The following MRAS variants were observed in gnomAD, a reference collection of about 807,000 sequenced individuals.
MRAS encodes muscle RAS oncogene homolog.
Under a neutral mutation model 20.9 loss-of-function variants are expected in MRAS, and 4 were observed. That is an observed-to-expected ratio of 0.19 (90% confidence interval 0.09 to 0.44). The LOEUF is 0.44. Among genes scored for constraint, MRAS ranks in the 20% least tolerant of loss-of-function variants. The pLI is 0.99. For synonymous variants in MRAS, 98 were observed against 102.9 expected, an observed-to-expected ratio of 0.95 and a Z score of 0.29; for missense variants, 154 against 277.5, an observed-to-expected ratio of 0.56 and a Z score of 3.16.
rs925688624 is a variant in MRAS at position 138,398,661 on chromosome 3, A to G, written c.447+93A>G. The G allele has an allele frequency of 6.3e-6, 7 of 1,109,266 alleles. No individual in the cohort carries two copies. In the East Asian group the frequency reaches 1.2e-4, roughly 19 times the overall value. 68.7% of individuals were successfully genotyped at this position (1,109,266 alleles called of 1,614,324 possible). ...AGTCCTGGTCTTTGGAAATGAAACT[A>G]CTGTTTATTGAAGGGCTCCCCTTAG... On this transcript the variant is annotated intron_variant, in intron 4 of 5. Transcript: ENST00000423968.
At chr3:138,357,408 C>A (rs1353208429) in intron 1 of MRAS, among the ~76,000 whole-genome samples, 2 of 152,228 alleles carry the variant, frequency 1.3e-5, no homozygotes, top group Non-Finnish European at 2.9e-5. Context: ...CCTCTATAGC[C>A]TCCTCTTCCA....
At chr3:138,395,358 CA>C (rs906345653) in intron 2 of MRAS, among the ~76,000 whole-genome samples, 1 of 152,116 alleles carries the variant, frequency 6.6e-6, no homozygotes, top group African/African-American at 2.4e-5. Context: ...TTCTTTTGCC[CA>C]AACTCTCCAG....
chr3:138,351,209 C>T (rs1424230670), intron 1 of MRAS, among the ~76,000 whole-genome samples: 1 of 152,040 alleles, frequency 6.6e-6, no homozygotes, highest in African/African-American at 2.4e-5. Flanking sequence ...TGCCCCCAAA[C>T]AGAGTGTGTC....
Position 138,404,836 on chromosome 3 carries a change from C to T in MRAS, c.*2567C>T, listed in dbSNP as rs1576397463. 6.6e-6 allele frequency: 1 copy of T among 152,174 alleles called. No individual in the cohort carries two copies. The highest frequency in any genetic ancestry group is 2.1e-4 in the South Asian group (1 of 4,828). 9.4% of individuals were successfully genotyped at this position (152,174 alleles called of 1,614,324 possible). ...GGGAAACCTGGTTGGCCACGCCACA[C>T]CATGACCGAGGAGCCAACTGGGACT... On this transcript the variant is annotated 3_prime_UTR_variant, in exon 6 of 6. Transcript: ENST00000423968.
intron 2 of MRAS, among the ~76,000 whole-genome samples, chr3:138,373,806 G>C (rs551722373): frequency 1.3e-5 from 2 of 152,266 alleles, no homozygotes; most frequent in South Asian, 4.1e-4. Context: ...TGAAACTGTA[G>C]ATCTGTTTGA....
chr3:138,385,682 A>T (rs1207747269), intron 2 of MRAS, among the ~76,000 whole-genome samples: 2 of 151,700 alleles, frequency 1.3e-5, no homozygotes, highest in African/African-American at 4.8e-5. Context: ...CACACAGCTA[A>T]TTTTTGTATT....
chr3:138,347,753 G>C (rs1232336520), upstream of MRAS: 1 of 151,982 alleles, frequency 6.6e-6, no homozygotes, highest in African/African-American at 2.4e-5. Context: ...CCGCCATGCC[G>C]GGTTGACTTT....
intron 1 of MRAS, among the ~76,000 whole-genome samples, chr3:138,360,584 G>A (rs772961277): frequency 3.4e-4 from 52 of 152,176 alleles, no homozygotes; most frequent in Non-Finnish European, 1.9e-4. Flanking sequence ...CTGGGCTGGT[G>A]CCCACGGGTG....
At chr3:138,397,132 G>A (rs567720996) in intron 2 of MRAS, among the ~76,000 whole-genome samples, 192 bp from the exon 3 acceptor site, 17 of 152,268 alleles carry the variant, frequency 1.1e-4, no homozygotes, top group African/African-American at 3.1e-4. Context: ...ACCCTGAAGC[G>A]GCTTTAAGGT....
In MRAS at chr3:138,398,505, C is replaced by T. The variant is rs770948545; in HGVS notation, c.384C>T (p.Val128=). 7 of 1,613,916 alleles carry T rather than the reference C, an allele frequency of 4.3e-6. No homozygotes were observed. In the East Asian group the frequency reaches 6.7e-5, roughly 15 times the overall value. ...CGATGATCCTCGTGGCCAACAAGGT[C>T]GATTTGATGCACTTGAGGAAGATCA... is the stretch of plus-strand genomic sequence containing the variant. ...SFPMILVANK[V]DLMHLRKITR... The change falls in exon 4 of 6, where the codon GTC becomes GTT. Residue 128 remains valine (V), a synonymous_variant. Coordinates refer to ENST00000423968, the MANE Select transcript of MRAS (RefSeq NM_001085049.3).
intron 2 of MRAS, among the ~76,000 whole-genome samples, chr3:138,377,634 CCCAGGGGT>C (rs1261261970): frequency 1.3e-5 from 2 of 152,196 alleles, no homozygotes; most frequent in Admixed American, 1.3e-4. Flanking sequence ...GCATCTGGAT[CCCAGGGGT>C]CCTGCTCCCC....
intron 1 of MRAS, among the ~76,000 whole-genome samples, chr3:138,369,120 G>T (rs1177366572): frequency 2.0e-5 from 3 of 152,206 alleles, no homozygotes; most frequent in South Asian, 2.1e-4. Flanking sequence ...CCATGAGGAA[G>T]CCAGCTCTGT....
chr3:138,356,535 T>C (rs1158584141), intron 1 of MRAS, among the ~76,000 whole-genome samples: 1 of 152,174 alleles, frequency 6.6e-6, no homozygotes, highest in Non-Finnish European at 1.5e-5. Context: ...AAATGGAGGC[T>C]CAAGGAGGAG....
At chr3:138,354,950 T>A (rs980918648) in intron 1 of MRAS, among the ~76,000 whole-genome samples, 4 of 152,096 alleles carry the variant, frequency 2.6e-5, no homozygotes, top group East Asian at 1.9e-4. Context: ...CCATCTAATT[T>A]AAAAAAATTT....
chr3:138,366,366 A>G (rs1576351769), intron 1 of MRAS, among the ~76,000 whole-genome samples: 1 of 152,360 alleles, frequency 6.6e-6, no homozygotes, highest in African/African-American at 2.4e-5. Context: ...GAGCTCCATT[A>G]ATTATGAATG....
At chr3:138,371,831 T>C (rs1475036057) in intron 1 of MRAS, among the ~76,000 whole-genome samples, 1 of 152,044 alleles carries the variant, frequency 6.6e-6, no homozygotes, top group Non-Finnish European at 1.5e-5. Flanking sequence ...ACTCTTGGCT[T>C]CCATCATGAC....
At chr3:138,361,575 G>A (rs2054448240) in intron 1 of MRAS, among the ~76,000 whole-genome samples, 1 of 152,306 alleles carries the variant, frequency 6.6e-6, no homozygotes, top group South Asian at 2.1e-4. Flanking sequence ...GGTGAGGGAG[G>A]TGCTGGCTGA....
At position 138,388,652 on chromosome 3, in the gene MRAS, T is replaced by C. The variant is rs571879248; in HGVS notation, c.194-8672T>C. Among the ~76,000 whole-genome samples the C allele has an allele frequency of 2.6e-5, 4 of 152,076 alleles. No individual in the cohort carries two copies. In the South Asian group the frequency reaches 8.3e-4, roughly 32 times the overall value. ...AGGCAGAGGTTGCAGTGAGCTGAGA[T>C]TGCACTACTGTAGTCCAGCCTGGGT... On this transcript the variant is annotated intron_variant, in intron 2 of 5. Coordinates refer to ENST00000423968, the MANE Select transcript of MRAS (RefSeq NM_001085049.3).
At chr3:138,365,395 T>C (rs532881782) in intron 1 of MRAS, among the ~76,000 whole-genome samples, 2 of 152,330 alleles carry the variant, frequency 1.3e-5, no homozygotes, top group Admixed American at 1.3e-4. Flanking sequence ...TTATTGACAG[T>C]TGCCATATGA....
Sources: allele counts gnomAD v4.1 joint callset (sites outside exome capture counted in the v4.1 genomes callset), GRCh38; gene constraint gnomAD v4.1.1; transcripts MANE v1.5; gene names NCBI Gene and HGNC (gene_info 2026-07-23, HGNC 2026-07-21).